Variants in C12orf42 observed in about 807,000 individuals in gnomAD.
The protein encoded by C12orf42 is chromosome 12 open reading frame 42.
C12orf42 carries 25 observed loss-of-function variants against 21.6 expected under a neutral mutation model. That is an observed-to-expected ratio of 1.16 (90% confidence interval 0.84 to 1.62). The LOEUF (loss-of-function observed/expected upper bound fraction) is 1.62, where lower values mean the gene tolerates loss of function less well. C12orf42 is among the 40% of genes most tolerant of loss of function. The probability of loss-of-function intolerance (pLI) is 0.00; values close to 1 mark genes in which losing one functional copy is unlikely to be tolerated. For missense variants in C12orf42, 483 were observed against 459.3 expected (o/e 1.05, Z -0.47); for synonymous variants, 174 against 175.0 (o/e 0.99, Z 0.05).
At chr12:103,248,349 C>G (rs1452809964) in intron 10 of C12orf42, among the ~76,000 whole-genome samples, 2 of 151,900 alleles carry the variant, frequency 1.3e-5, no homozygotes, top group African/African-American at 2.4e-5. Context: ...ACATTATGGC[C>G]TGATATTACA....
chr12:103,506,905 T>TTA, the C12orf42 span, among the ~76,000 whole-genome samples: 77 of 38,752 alleles, frequency 2.0e-3, 5 homozygotes, highest in African/African-American at 5.2e-3. Context: ...TATTTATATA[T>TTA]TATATATATA....
chr12:103,467,776 T>C (rs533216300), intron 2 of C12orf42, among the ~76,000 whole-genome samples: 1 of 152,340 alleles, frequency 6.6e-6, no homozygotes, highest in East Asian at 1.9e-4. Context: ...TGCTGTGATC[T>C]AGCTATTCTA....
the C12orf42 span, among the ~76,000 whole-genome samples, chr12:103,194,777 C>T: frequency 6.6e-6 from 1 of 152,118 alleles, no homozygotes; most frequent in Non-Finnish European, 1.5e-5. Flanking sequence ...CAATCTCTAT[C>T]AAAATTCCAA....
downstream of C12orf42, among the ~76,000 whole-genome samples, chr12:103,234,933 T>C (rs1593184046): frequency 6.6e-6 from 1 of 152,192 alleles, no homozygotes; most frequent in Admixed American, 6.5e-5. Context: ...TGTTCATTTT[T>C]GTAGTCCCAA....
At chr12:103,178,616 C>A in the C12orf42 span, 1 of 152,174 alleles carries the variant, frequency 6.6e-6, no homozygotes, top group Non-Finnish European at 1.5e-5. Context: ...AGAGAGGCCA[C>A]GTGTCCGAAA....
chr12:103,519,064 G>A, the C12orf42 span, among the ~76,000 whole-genome samples: 6 of 152,108 alleles, frequency 3.9e-5, no homozygotes, highest in Non-Finnish European at 8.8e-5. Flanking sequence ...TCTCATGATA[G>A]TGAGTGAGTT....
the C12orf42 span, among the ~76,000 whole-genome samples, chr12:103,157,595 G>A: frequency 6.6e-6 from 1 of 152,120 alleles, no homozygotes; most frequent in Non-Finnish European, 1.5e-5. Flanking sequence ...GGTTTTTATG[G>A]TTTTGGGTTT....
At chr12:103,210,819 C>T in the C12orf42 span, among the ~76,000 whole-genome samples, 1 of 151,562 alleles carries the variant, frequency 6.6e-6, no homozygotes, top group Non-Finnish European at 1.5e-5. Flanking sequence ...GCAAATATAC[C>T]TAGTATCCAA....
chr12:103,352,360 CA>C (rs1258726967), intron 4 of C12orf42, among the ~76,000 whole-genome samples: 3 of 152,146 alleles, frequency 2.0e-5, no homozygotes, highest in Non-Finnish European at 4.4e-5. Flanking sequence ...TAAGTAGCTT[CA>C]CTCTATCACA....
chr12:103,520,365 C>T, the C12orf42 span, among the ~76,000 whole-genome samples: 1 of 152,120 alleles, frequency 6.6e-6, no homozygotes, highest in African/African-American at 2.4e-5. Flanking sequence ...ATAATATACA[C>T]TCCTCCCAGA....
At chr12:103,124,338 G>T in the C12orf42 span, among the ~76,000 whole-genome samples, 2 of 151,848 alleles carry the variant, frequency 1.3e-5, no homozygotes, top group African/African-American at 4.8e-5. Flanking sequence ...GGGACATCAA[G>T]GTTCTCCCTG....
At chr12:103,320,220 T>C (rs571754265) in intron 4 of C12orf42, among the ~76,000 whole-genome samples, 56 of 152,246 alleles carry the variant, frequency 3.7e-4, no homozygotes, top group African/African-American at 1.3e-3. Context: ...CGGTGAGAGA[T>C]AATGGTTAAG....
At chr12:103,383,977 G>T (rs1180681644) in intron 3 of C12orf42, among the ~76,000 whole-genome samples, 1 of 152,164 alleles carries the variant, frequency 6.6e-6, no homozygotes, top group African/African-American at 2.4e-5. Context: ...GAGAGCCACA[G>T]GGCAGAAAGA....
chr12:103,102,554 G>A, the C12orf42 span, among the ~76,000 whole-genome samples: 4 of 152,224 alleles, frequency 2.6e-5, no homozygotes, highest in South Asian at 2.1e-4. Flanking sequence ...CTTCCTCATC[G>A]CTCTTCAGAA....
intron 3 of C12orf42, among the ~76,000 whole-genome samples, chr12:103,374,033 T>C (rs1257638139): frequency 6.6e-6 from 1 of 152,188 alleles, no homozygotes; most frequent in Non-Finnish European, 1.5e-5. Flanking sequence ...AATAACCTAC[T>C]GCCAAGTATT....
At chr12:103,162,604 GTA>G in the C12orf42 span, 1 of 151,852 alleles carries the variant, frequency 6.6e-6, no homozygotes, top group Non-Finnish European at 1.5e-5. Context: ...TAACTACTCT[GTA>G]TTTCTTAGCT....
At position 103,416,033 on chromosome 12, in the gene C12orf42, G is replaced by A. The variant is rs554766774; in HGVS notation, c.79-14358C>T. ...GAGGCACCATTGTCTTTGTTTAGTG[G>A]GTTTTTTTTTTTATTGGCCTTTCTG... On this transcript the variant is annotated intron_variant, in intron 2 of 5. Transcript: ENST00000548883. Among the ~76,000 whole-genome samples the A allele has an allele frequency of 1.7e-4, 9 of 53,528 alleles. No individual in the cohort carries two copies. In the East Asian group the frequency reaches 3.2e-3, roughly 19 times the overall value. The allele number at this position is 53,528 out of a possible 152,430, so 35.1% of individuals were successfully genotyped here.
the C12orf42 span, among the ~76,000 whole-genome samples, chr12:103,555,695 A>T: frequency 6.6e-6 from 1 of 151,914 alleles, no homozygotes; most frequent in East Asian, 1.9e-4. Context: ...TTTGAACAAA[A>T]CCCCAAGTGT....
At chr12:103,127,717 C>A in the C12orf42 span, among the ~76,000 whole-genome samples, 5 of 152,154 alleles carry the variant, frequency 3.3e-5, no homozygotes, top group African/African-American at 1.2e-4. Context: ...CTGCAATGCA[C>A]AGGACACCTC....
Sources: gnomAD v4.1 joint callset for allele counts (sites outside exome capture counted in the v4.1 genomes callset) on GRCh38, gnomAD v4.1.1 for gene constraint, MANE v1.5 for transcripts, NCBI Gene and HGNC (gene_info 2026-07-23, HGNC 2026-07-21) for gene names.